Variants in THSD7B observed in about 807,000 individuals in gnomAD.
THSD7B encodes the protein thrombospondin type-1 domain-containing protein 7B.
Under a neutral mutation model 213.6 loss-of-function variants are expected in THSD7B, and 138 were observed. The observed-to-expected ratio is 0.65, with a 90% CI of 0.56 to 0.74. The LOEUF is 0.74. Among genes scored for constraint, THSD7B ranks in the 30% least tolerant of loss-of-function variants. THSD7B has a pLI of 0.00. For synonymous variants in THSD7B, 742 were observed against 687.0 expected (o/e 1.08, Z -1.25); for missense variants, 1,931 against 1,991.5 (o/e 0.97, Z 0.58).
At chr2:137,118,542 GCAGAA>G (rs1224187864) in intron 5 of THSD7B, among the ~76,000 whole-genome samples, 1 of 152,114 alleles carries the variant, frequency 6.6e-6, no homozygotes, top group East Asian at 1.9e-4. Flanking sequence ...TTGTAGTGGA[GCAGAA>G]CATTGCTTGA....
chr2:137,154,977 C>T (rs1007296306), intron 5 of THSD7B, among the ~76,000 whole-genome samples: 1 of 152,160 alleles, frequency 6.6e-6, no homozygotes, highest in Admixed American at 6.6e-5. Flanking sequence ...TAGTAGCAGA[C>T]TTTAACATTT....
intron 15 of THSD7B, among the ~76,000 whole-genome samples, chr2:137,501,923 G>A (rs62168009): frequency 0.055 from 8,410 of 152,254 alleles, 266 homozygotes; most frequent in Middle Eastern, 0.088. Flanking sequence ...TGCTTTATCC[G>A]CTGTGATCTG....
intron 2 of THSD7B, among the ~76,000 whole-genome samples, chr2:137,028,473 A>G (rs1274151391): frequency 6.6e-6 from 1 of 152,216 alleles, no homozygotes; most frequent in African/African-American, 2.4e-5. Flanking sequence ...TAGATATTAC[A>G]TTATCTTTGC....
intron 2 of THSD7B, among the ~76,000 whole-genome samples, chr2:137,043,775 G>A (rs1403012437): frequency 6.6e-6 from 1 of 152,126 alleles, no homozygotes; most frequent in African/African-American, 2.4e-5. Context: ...TGTTTAAAAG[G>A]GGCAAGGGGG....
At chr2:137,435,057 A>T (rs902993561) in intron 14 of THSD7B, among the ~76,000 whole-genome samples, 1 of 152,182 alleles carries the variant, frequency 6.6e-6, no homozygotes, top group Admixed American at 6.5e-5. Context: ...GGAAAAAAAT[A>T]TATTAATACC....
chr2:136,927,920 T>A (rs1684567793), intron 2 of THSD7B, among the ~76,000 whole-genome samples: 1 of 152,158 alleles, frequency 6.6e-6, no homozygotes, highest in Non-Finnish European at 1.5e-5. Flanking sequence ...ATTCTTATCA[T>A]GAATGTCATC....
intron 1 of THSD7B, among the ~76,000 whole-genome samples, chr2:136,814,685 T>A (rs1682442215): frequency 6.6e-6 from 1 of 152,186 alleles, no homozygotes; most frequent in Non-Finnish European, 1.5e-5. Context: ...GACGTGGTTT[T>A]ATTGCCTTAG....
At chr2:137,203,399 T>G (rs10153632) in intron 7 of THSD7B, among the ~76,000 whole-genome samples, 91,069 of 151,764 alleles carry the variant, frequency 0.6, 27,710 homozygotes, top group South Asian at 0.72. Flanking sequence ...AACAACTAAT[T>G]CAAACCTTAG....
intron 15 of THSD7B, among the ~76,000 whole-genome samples, chr2:137,487,731 T>TATTAAGGTGTTTAG (rs1688495778): frequency 2.2e-5 from 1 of 46,122 alleles, no homozygotes. Flanking sequence ...TTTTGAGGTT[T>TATTAAGGTGTTTAG]CTTTCTTTTT....
At chr2:137,013,696 C>T (rs1686281448) in intron 2 of THSD7B, among the ~76,000 whole-genome samples, 1 of 152,094 alleles carries the variant, frequency 6.6e-6, no homozygotes, top group Non-Finnish European at 1.5e-5. Flanking sequence ...ACCCCCTGAT[C>T]CTTCTTTAAA....
chr2:137,165,210 T>A (rs1484901693), intron 6 of THSD7B, among the ~76,000 whole-genome samples: 1 of 152,096 alleles, frequency 6.6e-6, no homozygotes. Context: ...CCTCCTGAAC[T>A]GTAGTCACTG....
chr2:137,014,124 G>C (rs949349490), intron 2 of THSD7B, among the ~76,000 whole-genome samples: 3 of 152,026 alleles, frequency 2.0e-5, no homozygotes, highest in African/African-American at 7.2e-5. Flanking sequence ...CATTGACTGG[G>C]TTTCTGCCAT....
chr2:137,343,839 T>C (rs550697732), intron 12 of THSD7B, among the ~76,000 whole-genome samples: 19 of 151,942 alleles, frequency 1.3e-4, no homozygotes, highest in Middle Eastern at 3.4e-3. Flanking sequence ...ATTTAACGAA[T>C]GCATAACTTC....
intron 2 of THSD7B, among the ~76,000 whole-genome samples, chr2:136,949,821 C>T (rs1439263826): frequency 1.3e-5 from 2 of 152,168 alleles, no homozygotes; most frequent in African/African-American, 4.8e-5. Flanking sequence ...TTGGACCCAG[C>T]AATCCCACTA....
chr2:137,382,761 G>A (rs1465152293), intron 12 of THSD7B, among the ~76,000 whole-genome samples: 1 of 152,190 alleles, frequency 6.6e-6, no homozygotes, highest in Non-Finnish European at 1.5e-5. Flanking sequence ...GTTGCAAGAG[G>A]TCTTGGGATC....
At chr2:137,269,170 C>T (rs368238722) in intron 10 of THSD7B, among the ~76,000 whole-genome samples, 1 of 152,126 alleles carries the variant, frequency 6.6e-6, no homozygotes, top group Non-Finnish European at 1.5e-5. Context: ...CATTTTTCTT[C>T]GTTTATGCAG....
chr2:137,302,981 A>G (rs1009064748), intron 12 of THSD7B, among the ~76,000 whole-genome samples: 1 of 152,130 alleles, frequency 6.6e-6, no homozygotes. Flanking sequence ...ATATCCATAG[A>G]GACACACAGA....
chr2:137,422,846 G>A (rs1019004239), intron 14 of THSD7B, among the ~76,000 whole-genome samples: 4 of 151,976 alleles, frequency 2.6e-5, no homozygotes, highest in African/African-American at 9.7e-5. Context: ...ATGGAATCAA[G>A]ATTTCTTTAT....
At chr2:137,518,874 A>G (rs1680124895) in intron 15 of THSD7B, among the ~76,000 whole-genome samples, 1 of 152,208 alleles carries the variant, frequency 6.6e-6, no homozygotes, top group Non-Finnish European at 1.5e-5. Flanking sequence ...CCTCAGGGTG[A>G]TCGGCCAGCT....
Sources: gnomAD v4.1 joint callset for allele counts (sites outside exome capture counted in the v4.1 genomes callset) on GRCh38, gnomAD v4.1.1 for gene constraint, MANE v1.5 for transcripts, NCBI Gene and HGNC (gene_info 2026-07-23, HGNC 2026-07-21) for gene names.